Variants in IL1RAPL1 observed in about 807,000 individuals in gnomAD.
IL1RAPL1 encodes the protein interleukin-1 receptor accessory protein-like 1.
Under a neutral mutation model 48.4 loss-of-function variants are expected in IL1RAPL1, and 3 were observed. That is an observed-to-expected ratio of 0.06 (90% CI 0.03 to 0.16). The LOEUF (loss-of-function observed/expected upper bound fraction) is 0.16. Ranked by LOEUF, IL1RAPL1 falls within the 10% of genes least tolerant of loss-of-function variation. IL1RAPL1 has a pLI of 1.00. For missense variants in IL1RAPL1, 349 were observed against 530.6 expected, an observed-to-expected ratio of 0.66 and a Z score of 3.36; for synonymous variants, 185 against 187.7, an observed-to-expected ratio of 0.99 and a Z score of 0.12.
intron 2 of IL1RAPL1, among the ~76,000 whole-genome samples, chrX:29,098,190 A>G (rs1448639567): frequency 1.8e-5 from 2 of 110,860 alleles, no homozygotes; most frequent in Non-Finnish European, 3.8e-5. Flanking sequence ...TTTCCTCTAT[A>G]GTGTCTCCTC....
intron 1 of IL1RAPL1, among the ~76,000 whole-genome samples, chrX:28,726,969 A>G (rs1220315845): frequency 2.7e-5 from 3 of 111,970 alleles, no homozygotes; most frequent in Non-Finnish European, 5.6e-5. Context: ...GAAGACTTAT[A>G]TCCTCAGTTT....
chrX:29,165,786 G>A (rs777266761), intron 2 of IL1RAPL1, among the ~76,000 whole-genome samples: 1 of 111,788 alleles, frequency 8.9e-6, no homozygotes, highest in African/African-American at 3.2e-5. Flanking sequence ...TGTCAAGCCT[G>A]ATTCATAGTT....
At chrX:29,899,601 T>C (rs1451098733) in intron 6 of IL1RAPL1, among the ~76,000 whole-genome samples, 2 of 107,914 alleles carry the variant, frequency 1.9e-5, no homozygotes, top group African/African-American at 6.8e-5. Context: ...TGGAGTGCAG[T>C]GGCGCGATCT....
intron 2 of IL1RAPL1, among the ~76,000 whole-genome samples, chrX:29,038,072 C>CA (rs375388476): frequency 0.017 from 1,713 of 101,180 alleles, 35 homozygotes; most frequent in African/African-American, 0.055. Context: ...AGCTGCTATG[C>CA]AAAAAAAAAA....
intron 2 of IL1RAPL1, among the ~76,000 whole-genome samples, chrX:29,240,183 T>TACACAC (rs200193070): frequency 2.2e-5 from 1 of 44,561 alleles, no homozygotes; most frequent in African/African-American, 7.5e-5. Flanking sequence ...AGTATATAGG[T>TACACAC]ACACACACAC....
At chrX:29,287,010 T>C (rs1479323669) in intron 3 of IL1RAPL1, among the ~76,000 whole-genome samples, 1 of 111,293 alleles carries the variant, frequency 9.0e-6, no homozygotes, top group African/African-American at 3.3e-5. Flanking sequence ...GATATTGACA[T>C]TGATACAGTC....
intron 6 of IL1RAPL1, among the ~76,000 whole-genome samples, chrX:29,701,602 C>T (rs57834704): frequency 0.08 from 8,820 of 110,786 alleles, 631 homozygotes; most frequent in East Asian, 0.26. Flanking sequence ...AGAATATAAA[C>T]GAATCTAGAA....
intron 2 of IL1RAPL1, among the ~76,000 whole-genome samples, chrX:28,899,310 A>G (rs983306117): frequency 1.8e-5 from 2 of 111,255 alleles, no homozygotes; most frequent in African/African-American, 6.6e-5. Context: ...AAACCTAACC[A>G]TATCACCAGG....
At chrX:29,339,761 G>C (rs1000018606) in intron 3 of IL1RAPL1, among the ~76,000 whole-genome samples, 1 of 111,687 alleles carries the variant, frequency 9.0e-6, no homozygotes, top group Admixed American at 9.5e-5. Context: ...TCTGTTCCAG[G>C]ATCTCATCCA....
chrX:29,814,748 A>G (rs1476665907), intron 6 of IL1RAPL1, among the ~76,000 whole-genome samples: 4 of 112,120 alleles, frequency 3.6e-5, no homozygotes, highest in Non-Finnish European at 7.5e-5. Flanking sequence ...TTTTCAGTTA[A>G]TTTTTCTATA....
At chrX:28,796,326 T>A (rs934263712) in intron 2 of IL1RAPL1, among the ~76,000 whole-genome samples, 1 of 111,592 alleles carries the variant, frequency 9.0e-6, no homozygotes, top group Non-Finnish European at 1.9e-5. Context: ...CCCCAAAGTC[T>A]TCACTCATTT....
intron 2 of IL1RAPL1, among the ~76,000 whole-genome samples, chrX:29,228,326 T>G (rs1353712010): frequency 1.1e-5 from 1 of 90,030 alleles, no homozygotes; most frequent in Non-Finnish European, 2.1e-5. Context: ...TAGTTTAGTT[T>G]TGCCTAGTGT....
At position 29,469,702 on chromosome X, in the gene IL1RAPL1, T is replaced by C. The variant is rs900931168; in HGVS notation, c.703+70394T>C. Among the ~76,000 whole-genome samples the C allele has an allele frequency of 2.7e-5, 3 of 111,720 alleles. No individual in the cohort carries two copies. The Admixed American group carries it at 2.9e-4, about 11-fold the overall frequency. ...GAACTACCAAGAGTTGTTATGGGGC[T>C]ACATATTTTCTGTTCTCTACTCTCT... On this transcript the variant is annotated intron_variant, in intron 5 of 10. Transcript: ENST00000378993.
chrX:29,751,481 T>C (rs752211123), intron 6 of IL1RAPL1, among the ~76,000 whole-genome samples: 1 of 111,958 alleles, frequency 8.9e-6, no homozygotes, highest in South Asian at 3.7e-4. Context: ...TAAGATCAAG[T>C]ATAGTATCTG....
intron 3 of IL1RAPL1, among the ~76,000 whole-genome samples, chrX:29,336,248 T>A (rs1429051880): frequency 1.2e-5 from 1 of 83,367 alleles, no homozygotes; most frequent in African/African-American, 4.0e-5. Context: ...TATATACCTT[T>A]AATATATTAC....
chrX:29,112,781 A>G (rs1428896087), intron 2 of IL1RAPL1, among the ~76,000 whole-genome samples: 2 of 99,496 alleles, frequency 2.0e-5, no homozygotes, highest in Admixed American at 1.2e-4. Flanking sequence ...TAGAGAAGGC[A>G]TGTCAACTTT....
chrX:29,852,396 A>G (rs143596185), intron 6 of IL1RAPL1, among the ~76,000 whole-genome samples: 3,429 of 111,973 alleles, frequency 0.031, 131 homozygotes, highest in African/African-American at 0.1. Flanking sequence ...CCATTTTGGA[A>G]GTCTTTCAGT....
At chrX:29,387,453 G>C (rs183751210) in intron 3 of IL1RAPL1, among the ~76,000 whole-genome samples, 75 of 111,777 alleles carry the variant, frequency 6.7e-4, no homozygotes, top group Admixed American at 5.4e-3. Flanking sequence ...GTAAAGCTTG[G>C]AGAACAAAAA....
intron 5 of IL1RAPL1, among the ~76,000 whole-genome samples, chrX:29,494,708 A>G (rs972213731): frequency 2.7e-5 from 3 of 112,441 alleles, no homozygotes; most frequent in Non-Finnish European, 3.8e-5. Context: ...AATTCCCTTT[A>G]GATAGGCTTA....
Sources: gnomAD v4.1 joint callset for allele counts (sites outside exome capture counted in the v4.1 genomes callset) on GRCh38, gnomAD v4.1.1 for gene constraint, MANE v1.5 for transcripts, NCBI Gene and HGNC (gene_info 2026-07-23, HGNC 2026-07-21) for gene names.